The following DNAJC3 variants were observed in gnomAD, a reference collection of about 807,000 sequenced individuals.
The protein encoded by DNAJC3 is DnaJ heat shock protein family (Hsp40) member C3.
DNAJC3 carries 38 observed loss-of-function variants against 68.6 expected under a neutral mutation model. The ratio of observed to expected loss-of-function variants is 0.55; its 90% CI spans 0.43 to 0.73. The LOEUF (loss-of-function observed/expected upper bound fraction) is 0.73, where lower values mean the gene tolerates loss of function less well. Among genes scored for constraint, DNAJC3 ranks in the 30% least tolerant of loss-of-function variants. The probability of loss-of-function intolerance (pLI) is 0.00; values close to 1 mark genes in which losing one functional copy is unlikely to be tolerated. For synonymous variants in DNAJC3, 203 were observed against 204.0 expected (o/e 1.00, Z 0.04); for missense variants, 526 against 591.9 (o/e 0.89, Z 1.16).
At chr13:95,682,046 G>A (rs1259979831) in intron 1 of DNAJC3, among the ~76,000 whole-genome samples, 8 of 152,066 alleles carry the variant, frequency 5.3e-5, no homozygotes, top group Non-Finnish European at 8.8e-5. Flanking sequence ...TCCTACAGTT[G>A]TATCTTTGTG....
intron 4 of DNAJC3, among the ~76,000 whole-genome samples, chr13:95,753,132 G>C (rs959461254): frequency 6.6e-6 from 1 of 152,020 alleles, no homozygotes; most frequent in Non-Finnish European, 1.5e-5. Context: ...GGATTTAGCT[G>C]CTTCTTCCTT....
intron 1 of DNAJC3, among the ~76,000 whole-genome samples, chr13:95,697,462 C>T (rs528623066): frequency 1.4e-4 from 21 of 152,278 alleles, no homozygotes; most frequent in East Asian, 3.9e-4. Context: ...TTTTAAGATT[C>T]GCTGATAGTC....
At chr13:95,756,127 C>T (rs975883032) in intron 4 of DNAJC3, among the ~76,000 whole-genome samples, 2 of 152,218 alleles carry the variant, frequency 1.3e-5, no homozygotes, top group African/African-American at 2.4e-5. Context: ...GGCAGTCAGT[C>T]TTTGATACAT....
chr13:95,715,483 CTT>C (rs374834820), intron 2 of DNAJC3, among the ~76,000 whole-genome samples: 23 of 138,936 alleles, frequency 1.7e-4, no homozygotes, highest in Admixed American at 2.9e-4. Context: ...GTTTCTTTTT[CTT>C]TTTTTTTTTT....
chr13:95,732,953 C>G (rs1440000332), intron 4 of DNAJC3, among the ~76,000 whole-genome samples: 1 of 151,782 alleles, frequency 6.6e-6, no homozygotes, highest in African/African-American at 2.4e-5. Context: ...TCCAAAGTTC[C>G]TCTTGGTATT....
At chr13:95,678,418 T>A (rs1879825651) in intron 1 of DNAJC3, among the ~76,000 whole-genome samples, 1 of 152,158 alleles carries the variant, frequency 6.6e-6, no homozygotes, top group African/African-American at 2.4e-5. Flanking sequence ...CCCATAGCAA[T>A]GGGCTTTTGC....
intron 4 of DNAJC3, among the ~76,000 whole-genome samples, chr13:95,737,976 C>T (rs1376096726): frequency 9.2e-6 from 1 of 108,194 alleles, no homozygotes; most frequent in South Asian, 3.9e-4. Context: ...ATAAATTTCC[C>T]TCTACACACT....
chr13:95,742,412 TCTC>T (rs1038485725), intron 4 of DNAJC3, among the ~76,000 whole-genome samples: 4 of 152,116 alleles, frequency 2.6e-5, no homozygotes, highest in African/African-American at 9.7e-5. Context: ...TCCAGTGTGA[TCTC>T]CTTCTTTGAA....
At chr13:95,772,319 T>G (rs1037282842) in intron 9 of DNAJC3, among the ~76,000 whole-genome samples, 2 of 152,220 alleles carry the variant, frequency 1.3e-5, no homozygotes, top group African/African-American at 4.8e-5. Flanking sequence ...GCTGACTTTT[T>G]TAGTTATTAA....
intron 4 of DNAJC3, among the ~76,000 whole-genome samples, chr13:95,727,484 T>C (rs1340585863): frequency 2.0e-5 from 3 of 152,228 alleles, no homozygotes; most frequent in Non-Finnish European, 1.5e-5. Flanking sequence ...ACTATTGTTA[T>C]AGGGATTCTT....
chr13:95,751,469 A>G (rs1320889076), intron 4 of DNAJC3, among the ~76,000 whole-genome samples: 1 of 152,206 alleles, frequency 6.6e-6, no homozygotes, highest in East Asian at 1.9e-4. Context: ...TGTGAGACTC[A>G]GGATTTTCAC....
chr13:95,739,703 A>T (rs998007374), intron 4 of DNAJC3, among the ~76,000 whole-genome samples: 11 of 151,908 alleles, frequency 7.2e-5, no homozygotes, highest in African/African-American at 2.7e-4. Context: ...TATTCTAGTT[A>T]TACATTCTTC....
At chr13:95,694,368 C>T (rs1880369225) in intron 1 of DNAJC3, 1 of 152,554 alleles carries the variant, frequency 6.6e-6, no homozygotes, top group Non-Finnish European at 1.5e-5. Flanking sequence ...CACCATAATT[C>T]AACACAATAC....
At chr13:95,748,237 T>C (rs1882367694) in intron 4 of DNAJC3, among the ~76,000 whole-genome samples, 1 of 152,220 alleles carries the variant, frequency 6.6e-6, no homozygotes, top group Non-Finnish European at 1.5e-5. Flanking sequence ...TGTATTTTTT[T>C]ACTTTGACAG....
At chr13:95,751,478 A>G (rs931195447) in intron 4 of DNAJC3, among the ~76,000 whole-genome samples, 2 of 152,160 alleles carry the variant, frequency 1.3e-5, no homozygotes, top group Non-Finnish European at 2.9e-5. Context: ...CAGGATTTTC[A>G]CTTATAATGT....
intron 1 of DNAJC3, among the ~76,000 whole-genome samples, chr13:95,677,630 C>T (rs988282855): frequency 1.3e-5 from 2 of 152,232 alleles, no homozygotes; most frequent in Non-Finnish European, 2.9e-5. Flanking sequence ...TTCAGGAAGT[C>T]CTGGGACGCG....
chr13:95,786,796 C>G (rs538623578), intron 10 of DNAJC3, among the ~76,000 whole-genome samples: 1 of 152,226 alleles, frequency 6.6e-6, no homozygotes, highest in African/African-American at 2.4e-5. Flanking sequence ...TCTCAGTAAT[C>G]TTAGTGAGCG....
intron 9 of DNAJC3, among the ~76,000 whole-genome samples, chr13:95,785,105 TG>T (rs1169431452): frequency 1.3e-5 from 2 of 152,232 alleles, no homozygotes; most frequent in African/African-American, 2.4e-5. Context: ...ATTCGGATTG[TG>T]GACAGTTCCT....
At chr13:95,694,152 A>T (rs960387198) in intron 1 of DNAJC3, 12 of 152,222 alleles carry the variant, frequency 7.9e-5, no homozygotes, top group African/African-American at 2.9e-4. Context: ...TACTAAAATT[A>T]ATTGTAATCA....
Sources: allele counts gnomAD v4.1 joint callset (sites outside exome capture counted in the v4.1 genomes callset), GRCh38; gene constraint gnomAD v4.1.1; transcripts MANE v1.5; gene names NCBI Gene and HGNC (gene_info 2026-07-23, HGNC 2026-07-21).